SLC44A5: variants seen among roughly 807,000 people sequenced by gnomAD.
The protein encoded by SLC44A5 is choline transporter-like protein 5.
Under a neutral mutation model 101.8 loss-of-function variants are expected in SLC44A5, and 57 were observed. The observed-to-expected ratio is 0.56, with a 90% CI of 0.45 to 0.70. SLC44A5 has a LOEUF of 0.70. Among genes scored for constraint, SLC44A5 ranks in the 30% least tolerant of loss-of-function variants. The pLI is 0.00. For missense variants in SLC44A5, 737 were observed against 853.1 expected, an observed-to-expected ratio of 0.86 and a Z score of 1.70; for synonymous variants, 281 against 290.9, an observed-to-expected ratio of 0.97 and a Z score of 0.35.
intron 2 of SLC44A5, among the ~76,000 whole-genome samples, chr1:75,458,904 T>A (rs956107120): frequency 6.6e-6 from 1 of 152,132 alleles, no homozygotes; most frequent in African/African-American, 2.4e-5. Context: ...TGTTTTTGAA[T>A]ATAATGAGTT....
chr1:75,349,979 T>C (rs533239766), intron 3 of SLC44A5, among the ~76,000 whole-genome samples: 12 of 152,166 alleles, frequency 7.9e-5, no homozygotes, highest in African/African-American at 2.9e-4. Context: ...AAAATAAACA[T>C]AGACCAGTCT....
chr1:75,235,196 A>T (rs943304829), intron 11 of SLC44A5, among the ~76,000 whole-genome samples: 1 of 152,082 alleles, frequency 6.6e-6, no homozygotes, highest in African/African-American at 2.4e-5. Flanking sequence ...TTGAAAGATT[A>T]TTCCATGGCC....
intron 2 of SLC44A5, among the ~76,000 whole-genome samples, chr1:75,488,629 C>T (rs1032200433): frequency 6.6e-6 from 1 of 152,170 alleles, no homozygotes; most frequent in African/African-American, 2.4e-5. Flanking sequence ...TCTGGAGTCA[C>T]TCAATTGTGC....
At chr1:75,563,147 C>G (rs1416503069) in intron 1 of SLC44A5, among the ~76,000 whole-genome samples, 1 of 152,026 alleles carries the variant, frequency 6.6e-6, no homozygotes, top group Non-Finnish European at 1.5e-5. Flanking sequence ...AAGAATCCCT[C>G]CTTTGGTAGG....
intron 4 of SLC44A5, among the ~76,000 whole-genome samples, chr1:75,333,901 C>T (rs1344032406): frequency 6.6e-6 from 1 of 152,154 alleles, no homozygotes; most frequent in Non-Finnish European, 1.5e-5. Context: ...TCATTGTAGT[C>T]ACACTTGAGT....
At chr1:75,538,533 T>C (rs939577795) in intron 2 of SLC44A5, among the ~76,000 whole-genome samples, 1 of 152,230 alleles carries the variant, frequency 6.6e-6, no homozygotes. Flanking sequence ...ATAGCATTTA[T>C]TGGCACTTAG....
At chr1:75,464,065 AC>A in intron 2 of SLC44A5, among the ~76,000 whole-genome samples, 1 of 152,076 alleles carries the variant, frequency 6.6e-6, no homozygotes, top group East Asian at 1.9e-4. Flanking sequence ...TACTAAAAGC[AC>A]AAAAAATTAG....
intron 2 of SLC44A5, among the ~76,000 whole-genome samples, chr1:75,429,174 T>C (rs1557775166): frequency 2.0e-5 from 3 of 152,282 alleles, no homozygotes; most frequent in Non-Finnish European, 4.4e-5. Flanking sequence ...ACTAACTACT[T>C]CCTAAAAGAA....
chr1:75,471,269 C>T (rs1667093531), intron 2 of SLC44A5, among the ~76,000 whole-genome samples: 1 of 152,002 alleles, frequency 6.6e-6, no homozygotes, highest in South Asian at 2.1e-4. Flanking sequence ...AAGGGAATCC[C>T]CAGGATGGGA....
At chr1:75,306,799 A>ATC (rs896435117) in intron 4 of SLC44A5, among the ~76,000 whole-genome samples, 2 of 134,370 alleles carry the variant, frequency 1.5e-5, no homozygotes, top group Non-Finnish European at 3.0e-5. Context: ...CAGTGGAGCA[A>ATC]TCTCGGCTCA....
chr1:75,226,016 AGTAAGCAG>A (rs1455487258), intron 13 of SLC44A5, among the ~76,000 whole-genome samples: 1 of 152,202 alleles, frequency 6.6e-6, no homozygotes, highest in Non-Finnish European at 1.5e-5. Context: ...AATAGACAAC[AGTAAGCAG>A]GTTGCTGAAG....
At chr1:75,367,134 T>C (rs1659913938) in intron 3 of SLC44A5, among the ~76,000 whole-genome samples, 1 of 152,224 alleles carries the variant, frequency 6.6e-6, no homozygotes, top group Non-Finnish European at 1.5e-5. Flanking sequence ...AGCTGAGCAC[T>C]GGAAGAGATA....
the SLC44A5 span, among the ~76,000 whole-genome samples, chr1:75,671,320 A>T: frequency 6.6e-6 from 1 of 152,296 alleles, no homozygotes; most frequent in East Asian, 1.9e-4. Context: ...CTAGCTCTAG[A>T]AATTAGCTAA....
At chr1:75,714,006 T>A in the SLC44A5 span, among the ~76,000 whole-genome samples, 2 of 151,800 alleles carry the variant, frequency 1.3e-5, no homozygotes, top group Non-Finnish European at 2.9e-5. Context: ...CTCACTATGT[T>A]GTCCAGGCTG....
intron 1 of SLC44A5, among the ~76,000 whole-genome samples, chr1:75,545,607 G>A (rs12128379): frequency 0.38 from 57,735 of 151,890 alleles, 11,545 homozygotes; most frequent in Non-Finnish European, 0.46. Flanking sequence ...TCAGTAAGGC[G>A]GCATTGGTCA....
At chr1:75,431,518 G>T (rs763448136) in intron 2 of SLC44A5, among the ~76,000 whole-genome samples, 6 of 152,230 alleles carry the variant, frequency 3.9e-5, no homozygotes, top group Non-Finnish European at 7.4e-5. Flanking sequence ...GAATGTCAAG[G>T]TTTAATTAAC....
the SLC44A5 span, chr1:75,641,825 A>C: frequency 6.6e-7 from 1 of 1,503,948 alleles, no homozygotes; most frequent in Non-Finnish European, 9.3e-7. Flanking sequence ...CCAGTTTTCC[A>C]CTGGTTCCCT....
intron 13 of SLC44A5, among the ~76,000 whole-genome samples, chr1:75,226,840 A>G (rs529814479): frequency 2.0e-5 from 3 of 152,314 alleles, no homozygotes; most frequent in East Asian, 1.9e-4. Context: ...GATTAAAACC[A>G]TCACTAAAAT....
At chr1:75,423,203 A>G (rs1186736508) in intron 2 of SLC44A5, among the ~76,000 whole-genome samples, 1 of 152,226 alleles carries the variant, frequency 6.6e-6, no homozygotes, top group African/African-American at 2.4e-5. Context: ...TTTCTCACAC[A>G]TATGGCAATT....
Sources: allele counts gnomAD v4.1 joint callset (sites outside exome capture counted in the v4.1 genomes callset), GRCh38; gene constraint gnomAD v4.1.1; transcripts MANE v1.5; gene names NCBI Gene and HGNC (gene_info 2026-07-23, HGNC 2026-07-21).